Variants in CRTAC1 observed in about 807,000 individuals in gnomAD.
CRTAC1 encodes the protein acidic secreted protein in cartilage.
A neutral mutation model predicts 67.8 loss-of-function variants in CRTAC1; 37 were observed. That is an observed-to-expected ratio of 0.55 (90% confidence interval 0.42 to 0.72). The LOEUF (loss-of-function observed/expected upper bound fraction) is 0.72, where lower values mean the gene tolerates loss of function less well. Ranked by LOEUF, CRTAC1 falls within the 30% of genes least tolerant of loss-of-function variation. CRTAC1 has a pLI of 0.00. For synonymous variants in CRTAC1, 348 were observed against 371.0 expected (o/e 0.94, Z 0.71); for missense variants, 780 against 931.6 (o/e 0.84, Z 2.12).
At chr10:97,948,832 T>G (rs1433001948) in intron 2 of CRTAC1, among the ~76,000 whole-genome samples, 1 of 152,144 alleles carries the variant, frequency 6.6e-6, no homozygotes, top group Non-Finnish European at 1.5e-5. Context: ...AACTTACAAT[T>G]ATGGAGGAAG....
intron 4 of CRTAC1, among the ~76,000 whole-genome samples, 163 bp downstream of exon 4, chr10:97,923,101 T>C (rs1483588072): frequency 6.6e-6 from 1 of 152,142 alleles, no homozygotes; most frequent in Non-Finnish European, 1.5e-5. Context: ...ATGTGAAAGG[T>C]ACATAGGAAT....
chr10:97,925,522 T>G (rs1239342951), intron 3 of CRTAC1, among the ~76,000 whole-genome samples: 1 of 144,660 alleles, frequency 6.9e-6, no homozygotes, highest in Non-Finnish European at 1.5e-5. Flanking sequence ...TCAGTGAGAG[T>G]GAGTGTGGGA....
chr10:97,955,379 T>G lies in CRTAC1; in HGVS notation c.225-19013A>C, dbSNP rs112567466. Among the ~76,000 whole-genome samples the G allele has an allele frequency of 7.5e-3, 1,135 of 152,322 alleles. 20 individuals are homozygous for G. The highest frequency in any genetic ancestry group is 0.026 in the African/African-American group (1,066 of 41,572). On this transcript the variant is annotated intron_variant, in intron 2 of 14. Coordinates refer to ENST00000370597, the MANE Select transcript of CRTAC1 (RefSeq NM_018058.7). ...TACTGCATAAGATTTTCTTTTTGTT[T>G]CAAAGGGTTACACTGAGAAAATAAA... is the stretch of plus-strand genomic sequence containing the variant.
At chr10:98,009,441 A>G (rs116094102) in intron 2 of CRTAC1, among the ~76,000 whole-genome samples, 1 of 152,186 alleles carries the variant, frequency 6.6e-6, no homozygotes, top group Non-Finnish European at 1.5e-5. Flanking sequence ...AGACAAAATA[A>G]AAACTGTACT....
chr10:97,961,218 GAGA>G (rs1310863143), intron 2 of CRTAC1, among the ~76,000 whole-genome samples: 1 of 152,040 alleles, frequency 6.6e-6, no homozygotes, highest in Non-Finnish European at 1.5e-5. Flanking sequence ...CAACCCTATG[GAGA>G]AGATGAAAGT....
At chr10:98,027,095 A>C (rs868404333) in intron 1 of CRTAC1, among the ~76,000 whole-genome samples, 16 of 150,166 alleles carry the variant, frequency 1.1e-4, no homozygotes, top group Middle Eastern at 3.4e-3. Flanking sequence ...TGAACCCGGG[A>C]GGCGGAGCTT....
intron 2 of CRTAC1, among the ~76,000 whole-genome samples, chr10:97,994,783 A>T (rs1400211104): frequency 3.9e-5 from 6 of 152,232 alleles, no homozygotes; most frequent in African/African-American, 1.4e-4. Flanking sequence ...TTTGATTGGC[A>T]GCCCCACAGG....
intron 11 of CRTAC1, among the ~76,000 whole-genome samples, chr10:97,890,285 T>A (rs1189752125): frequency 9.6e-6 from 1 of 104,036 alleles, no homozygotes; most frequent in African/African-American, 3.9e-5. Flanking sequence ...CCGGGCTAAT[T>A]TTTGTAGAAA....
intron 11 of CRTAC1, among the ~76,000 whole-genome samples, chr10:97,892,103 G>T (rs913343124): frequency 6.6e-6 from 1 of 152,240 alleles, no homozygotes; most frequent in Middle Eastern, 3.2e-3. Flanking sequence ...ACATAAGCCT[G>T]AGTGTGGGGA....
At chr10:97,932,442 T>C (rs2051016914) in intron 3 of CRTAC1, among the ~76,000 whole-genome samples, 1 of 152,100 alleles carries the variant, frequency 6.6e-6, no homozygotes, top group East Asian at 1.9e-4. Flanking sequence ...AAGACCCTAG[T>C]AGGAGAGATG....
rs544455672 is a variant in CRTAC1, at chr10:98,025,750, G to T, written c.24+4699C>A. 2.6e-5 allele frequency among the ~76,000 whole-genome samples: 4 copies of T among 152,330 alleles called. No individual in the cohort carries two copies. The East Asian group carries it at 7.7e-4, about 29-fold the overall frequency. On this transcript the variant is annotated intron_variant, in intron 1 of 14. Transcript: ENST00000370597. ...TGTATCTGCAGCCTGCAGGAGGCTC[G>T]GTGAGCACGAATTTGTCAGCACTCT...
chr10:97,888,984 C>G (rs1273524051), intron 11 of CRTAC1, among the ~76,000 whole-genome samples: 1 of 152,062 alleles, frequency 6.6e-6, no homozygotes, highest in Non-Finnish European at 1.5e-5. Flanking sequence ...TTTATGTGGG[C>G]CACTGAATTT....
At chr10:97,925,622 G>C (rs751620138) in intron 3 of CRTAC1, among the ~76,000 whole-genome samples, 1 of 145,594 alleles carries the variant, frequency 6.9e-6, no homozygotes, top group Non-Finnish European at 1.5e-5. Context: ...GTGAGAGTGA[G>C]TGTGAGGGGA....
chr10:97,955,795 C>A (rs2051431145), intron 2 of CRTAC1, among the ~76,000 whole-genome samples: 1 of 152,164 alleles, frequency 6.6e-6, no homozygotes, highest in South Asian at 2.1e-4. Context: ...AAGGGGTCCA[C>A]ATCATATGCA....
At chr10:97,959,972 C>G (rs1180711183) in intron 2 of CRTAC1, among the ~76,000 whole-genome samples, 1 of 152,266 alleles carries the variant, frequency 6.6e-6, no homozygotes, top group Non-Finnish European at 1.5e-5. Context: ...AGGGTTTTTA[C>G]TTGGGGCTGG....
chr10:98,006,189 C>A (rs1842786369), intron 2 of CRTAC1, among the ~76,000 whole-genome samples: 1 of 152,190 alleles, frequency 6.6e-6, no homozygotes, highest in Non-Finnish European at 1.5e-5. Flanking sequence ...ACAGGAATTC[C>A]TTTCCAGAAT....
At chr10:97,875,635 G>A (rs539585464) in intron 14 of CRTAC1, among the ~76,000 whole-genome samples, 216 of 152,288 alleles carry the variant, frequency 1.4e-3, no homozygotes, top group Admixed American at 3.0e-3. Flanking sequence ...GGAGGGGCTC[G>A]GTTTGCCTTC....
intron 3 of CRTAC1, among the ~76,000 whole-genome samples, chr10:97,929,569 C>G (rs2050972299): frequency 6.6e-6 from 1 of 152,168 alleles, no homozygotes; most frequent in South Asian, 2.1e-4. Flanking sequence ...ATCAGGCAAA[C>G]AGCAGGGCTG....
intron 1 of CRTAC1, among the ~76,000 whole-genome samples, chr10:98,019,120 T>C (rs1210851534): frequency 3.3e-5 from 5 of 151,970 alleles, no homozygotes; most frequent in Non-Finnish European, 5.9e-5. Context: ...GTAGCTGGAC[T>C]CTGAGGATGC....
Sources: allele counts gnomAD v4.1 joint callset (sites outside exome capture counted in the v4.1 genomes callset), GRCh38; gene constraint gnomAD v4.1.1; transcripts MANE v1.5; gene names NCBI Gene and HGNC (gene_info 2026-07-23, HGNC 2026-07-21).